The following ZNF469 variants were observed in gnomAD, a reference collection of about 807,000 sequenced individuals.
ZNF469 encodes zinc finger protein 469.
A neutral mutation model predicts 1.0 loss-of-function variants in ZNF469; 1 was observed. The observed-to-expected ratio is 1.00, with a 90% CI of 0.35 to 4.73. The LOEUF is 4.73. Among genes scored for constraint, ZNF469 ranks in the 30% most tolerant of loss-of-function variants. The pLI, the probability that ZNF469 is intolerant of heterozygous loss-of-function variation, is 0.16. For synonymous variants in ZNF469, 2,703 were observed against 2,363.4 expected, an observed-to-expected ratio of 1.14 and a Z score of -4.17; for missense variants, 6,100 against 5,356.3, an observed-to-expected ratio of 1.14 and a Z score of -4.33.
the ZNF469 span, among the ~76,000 whole-genome samples, chr16:88,143,058 A>G: frequency 2.6e-5 from 4 of 152,132 alleles, no homozygotes; most frequent in African/African-American, 9.7e-5. Context: ...GGGAGGAGAC[A>G]GGCTGAGATG....
In ZNF469 at chr16:88,438,632, C is replaced by G; in HGVS notation, c.11162C>G (p.Pro3721Arg). Residue 3721 changes from proline (P) to arginine (R), a missense_variant, in exon 3 of 3, where the codon CCC (proline) becomes CGC (arginine). By Grantham distance (103) the Pro-to-Arg change is moderately radical. Transcript: ENST00000565624. The part of the protein sequence containing the change: ...LARGTENGMK[P>R]ATPKAKPGPS... ...CGTGGCACAGAGAATGGGATGAAGCCCGCCACCCCCAAAGCCAAACCCGGC... is the reference window on the plus strand; with the variant it reads ...CGTGGCACAGAGAATGGGATGAAGCGCGCCACCCCCAAAGCCAAACCCGGC... 1 of 1,550,070 alleles carries G rather than the reference C, an allele frequency of 6.5e-7. No individual in the cohort carries two copies. Among genetic ancestry groups the G allele is most frequent in the Non-Finnish European group, 8.7e-7 (1 of 1,146,908 alleles).
the ZNF469 span, among the ~76,000 whole-genome samples, chr16:88,259,309 G>C: frequency 6.7e-6 from 1 of 148,668 alleles, no homozygotes; most frequent in Admixed American, 6.8e-5. The surrounding 1 kb of genome is among the most constrained non-coding windows in gnomAD (Gnocchi z 4.1). Flanking sequence ...AAGGGTCGAC[G>C]CCCCCTCCTT....
At chr16:88,245,283 T>C in the ZNF469 span, among the ~76,000 whole-genome samples, 1 of 152,242 alleles carries the variant, frequency 6.6e-6, no homozygotes, top group East Asian at 1.9e-4. Context: ...GCTATGAGGA[T>C]GATTAAGTAG....
At chr16:88,311,839 C>T in the ZNF469 span, among the ~76,000 whole-genome samples, 1 of 152,132 alleles carries the variant, frequency 6.6e-6, no homozygotes, top group Non-Finnish European at 1.5e-5. Context: ...TAGCCTGGGG[C>T]TTGTTCCTGA....
At chr16:88,346,166 G>A in the ZNF469 span, among the ~76,000 whole-genome samples, 1 of 152,216 alleles carries the variant, frequency 6.6e-6, no homozygotes. Context: ...CTCCAGGGAT[G>A]GGAGTTCTCG....
intron 1 of ZNF469, among the ~76,000 whole-genome samples, chr16:88,414,706 C>T (rs1392821940): frequency 6.6e-6 from 1 of 152,250 alleles, no homozygotes; most frequent in Non-Finnish European, 1.5e-5. Flanking sequence ...GAAGGACGTC[C>T]CAGTGGGGGG....
chr16:88,362,007 T>C, the ZNF469 span, among the ~76,000 whole-genome samples: 1 of 152,232 alleles, frequency 6.6e-6, no homozygotes, highest in African/African-American at 2.4e-5. Flanking sequence ...TGCTCATTGA[T>C]CCGTTTATTG....
the ZNF469 span, among the ~76,000 whole-genome samples, chr16:88,186,932 G>A: frequency 6.6e-6 from 1 of 152,046 alleles, no homozygotes; most frequent in Non-Finnish European, 1.5e-5. Flanking sequence ...CTGGACCCGG[G>A]ACGCTCAACA....
At chr16:88,256,904 T>TCTCTCTCTCTCTCTCTCTC in the ZNF469 span, among the ~76,000 whole-genome samples, 2 of 15,840 alleles carry the variant, frequency 1.3e-4, no homozygotes, top group African/African-American at 2.0e-4. Flanking sequence ...CCTTCTTTCT[T>TCTCTCTCTCTCTCTCTCTC]TCTTTCTTTC....
At chr16:88,417,656 G>A (rs939476545) in intron 1 of ZNF469, among the ~76,000 whole-genome samples, 5 of 152,226 alleles carry the variant, frequency 3.3e-5, no homozygotes, top group Non-Finnish European at 7.3e-5. Context: ...CAAATGTGCT[G>A]ATGGAGGCAG....
chr16:88,115,907 C>T, the ZNF469 span, among the ~76,000 whole-genome samples: 1 of 152,206 alleles, frequency 6.6e-6, no homozygotes, highest in African/African-American at 2.4e-5. Flanking sequence ...CTCATGTGGT[C>T]TCTTCGTCTT....
At chr16:88,193,878 G>A in the ZNF469 span, among the ~76,000 whole-genome samples, 1 of 152,172 alleles carries the variant, frequency 6.6e-6, no homozygotes, top group Non-Finnish European at 1.5e-5. Context: ...GAAGGGGCAA[G>A]GGGGCTTTCT....
chr16:88,380,447 A>C (rs2092518663), upstream of ZNF469, among the ~76,000 whole-genome samples: 2 of 141,574 alleles, frequency 1.4e-5, no homozygotes, highest in East Asian at 2.2e-4. Context: ...ACACAGTCAC[A>C]CACAGACATG....
chr16:88,379,722 C>T (rs1436369754), upstream of ZNF469, among the ~76,000 whole-genome samples: 1 of 152,186 alleles, frequency 6.6e-6, no homozygotes, highest in Non-Finnish European at 1.5e-5. Context: ...CTGATGCTGC[C>T]ACTGGGTTAG....
Position 88,428,130 on chromosome 16 carries a change from G to T in ZNF469, c.660G>T (p.Gln220His). ...PPQSRGTSPL[Q>H]PGSYPEYQAS... is the part of the protein sequence containing the mutation. The stretch of plus-strand genomic sequence containing the variant: ...AGAGCAGGGGCACCAGCCCCCTCCA[G>T]CCCGGTTCCTATCCCGAATACCAGG... Residue 220 changes from glutamine to histidine, a missense_variant, in exon 3 of 3, where the codon CAG becomes CAT. Transcript: ENST00000565624. 6.5e-7 allele frequency: 1 copy of T among 1,550,020 alleles called. No individual in the cohort carries two copies. Among genetic ancestry groups the T allele is most frequent in the Non-Finnish European group, 8.7e-7 (1 of 1,146,856 alleles).
chr16:88,344,267 G>A, the ZNF469 span, among the ~76,000 whole-genome samples: 1 of 151,802 alleles, frequency 6.6e-6, no homozygotes, highest in Non-Finnish European at 1.5e-5. Context: ...TGGGGGGGCG[G>A]GTTCCGAACA....
the ZNF469 span, among the ~76,000 whole-genome samples, chr16:88,164,124 G>A: frequency 9.3e-5 from 14 of 150,366 alleles, no homozygotes; most frequent in East Asian, 1.8e-3. Context: ...TTGGGTAGAC[G>A]GATGGGTAGA....
chr16:88,324,673 C>T, the ZNF469 span, among the ~76,000 whole-genome samples: 1 of 152,134 alleles, frequency 6.6e-6, no homozygotes, highest in East Asian at 1.9e-4. Context: ...GTTTTTATAC[C>T]CACTTTTAAG....
chr16:88,296,359 C>T, the ZNF469 span, among the ~76,000 whole-genome samples: 9 of 152,218 alleles, frequency 5.9e-5, no homozygotes, highest in Non-Finnish European at 1.0e-4. Context: ...CACTCACACA[C>T]ACATGCTCAT....
Sources: gnomAD v4.1 joint callset for allele counts (sites outside exome capture counted in the v4.1 genomes callset) on GRCh38, gnomAD v4.1.1 for gene constraint, Gnocchi (gnomAD v3.1) non-coding constraint, MANE v1.5 for transcripts, NCBI Gene and HGNC (gene_info 2026-07-23, HGNC 2026-07-21) for gene names.